AGL: variants seen among roughly 807,000 people sequenced by gnomAD.
AGL encodes the protein glycogen debranching enzyme.
A neutral mutation model predicts 199.3 loss-of-function variants in AGL; 128 were observed. That is an observed-to-expected ratio of 0.64 (90% CI 0.56 to 0.74). AGL has a LOEUF of 0.74. Among genes scored for constraint, AGL ranks in the 30% least tolerant of loss-of-function variants. The probability of loss-of-function intolerance (pLI) is 0.00; values close to 1 mark genes in which losing one functional copy is unlikely to be tolerated. For missense variants in AGL, 1,809 were observed against 1,820.8 expected (o/e 0.99, Z 0.12); for synonymous variants, 584 against 594.7 (o/e 0.98, Z 0.26).
In AGL at chr1:99,875,371, T is replaced by C. The variant is rs1275707003; in HGVS notation, c.1199T>C (p.Leu400Pro). Reference protein sequence around the residue: ...NYHQEQAVNCLLGNVFYERLA... With the variant: ...NYHQEQAVNCPLGNVFYERLA... ...AATGTTTTTCAGGCAGTTAATTGCC[T>C]TTTGGGAAATGTGTTTTATGAACGA... is the stretch of plus-strand genomic sequence containing the variant. Residue 400 changes from leucine (L) to proline (P), a missense_variant, in exon 10 of 34, where the codon CTT becomes CCT. By Grantham distance (98) the Leu-to-Pro change is moderately conservative (BLOSUM62 -3). Coordinates refer to ENST00000361915, the MANE Select transcript of AGL (RefSeq NM_000642.3). The C allele has an allele frequency of 6.8e-6, 11 of 1,614,026 alleles. No homozygotes were observed. The highest frequency in any genetic ancestry group is 2.7e-5 in the African/African-American group (2 of 74,924).
At chr1:99,902,379 C>T (rs1239562309) in intron 26 of AGL, among the ~76,000 whole-genome samples, 1 of 152,084 alleles carries the variant, frequency 6.6e-6, no homozygotes, top group Non-Finnish European at 1.5e-5. Context: ...AAGCTAGGTT[C>T]GTTTATTAGC....
At chr1:99,919,845 C>G (rs919577823) in intron 33 of AGL, among the ~76,000 whole-genome samples, 3 of 152,194 alleles carry the variant, frequency 2.0e-5, no homozygotes, top group Admixed American at 2.0e-4. Flanking sequence ...CTCCTGGCAC[C>G]ACTTGGATTC....
At chr1:99,882,028 A>C (rs1239152507) in intron 17 of AGL, among the ~76,000 whole-genome samples, 1 of 151,256 alleles carries the variant, frequency 6.6e-6, no homozygotes, top group African/African-American at 2.4e-5. Context: ...AGTCTTGGCT[A>C]CTCCTGAAGC....
chr1:99,853,063 T>C (rs1649113945), intron 2 of AGL, among the ~76,000 whole-genome samples: 1 of 152,218 alleles, frequency 6.6e-6, no homozygotes, highest in Non-Finnish European at 1.5e-5. Context: ...AGTCTCTTTT[T>C]AAGCTTGCAG....
chr1:99,857,349 C>G (rs1571218733), intron 2 of AGL, among the ~76,000 whole-genome samples: 1 of 151,908 alleles, frequency 6.6e-6, no homozygotes, highest in Non-Finnish European at 1.5e-5. Context: ...GGCAGAGGGG[C>G]TCCTCACATC....
At chr1:99,882,679 T>C (rs1398766799) in intron 17 of AGL, among the ~76,000 whole-genome samples, 1 of 152,170 alleles carries the variant, frequency 6.6e-6, no homozygotes, top group African/African-American at 2.4e-5. Context: ...GTCCTTAATA[T>C]TACTTGATTT....
chr1:99,859,301 A>C (rs1257364816), intron 2 of AGL, among the ~76,000 whole-genome samples: 1 of 151,746 alleles, frequency 6.6e-6, no homozygotes, highest in Middle Eastern at 3.4e-3. Flanking sequence ...TAATTTTAAA[A>C]TGTTTTCCCT....
intron 11 of AGL, 68 bp from the exon 12 acceptor site, chr1:99,877,573 T>C (rs536479960): frequency 1.4e-6 from 2 of 1,420,688 alleles, no homozygotes; most frequent in Non-Finnish European, 2.0e-6. Flanking sequence ...TAAAAACCAG[T>C]GTTTCCTTGA....
chr1:99,852,085 G>A (rs1195382749), intron 2 of AGL, among the ~76,000 whole-genome samples: 1 of 151,736 alleles, frequency 6.6e-6, no homozygotes, highest in South Asian at 2.1e-4. Flanking sequence ...CTCTTACTAG[G>A]CTCTCTTCCT....
chr1:99,866,048 A>C (rs1439658631), intron 5 of AGL, among the ~76,000 whole-genome samples: 2 of 152,284 alleles, frequency 1.3e-5, no homozygotes, highest in Middle Eastern at 3.4e-3. Flanking sequence ...TGGGAGGATG[A>C]CTTGAGGCCA....
intron 30 of AGL, 66 bp from the exon 31 acceptor site, chr1:99,915,323 C>A: frequency 2.3e-6 from 3 of 1,313,372 alleles, no homozygotes; most frequent in Non-Finnish European, 3.3e-6. Flanking sequence ...TGAATAGTTT[C>A]TGTGGGTAGG....
In AGL at chr1:99,922,008, T is replaced by C. The variant is rs1486156797; in HGVS notation, c.*357T>C. ...GAAATGAAAAGATAGCTTTTAATTG[T>C]GGTATATATAATCTTCAGTAACAAT... On this transcript the variant is annotated 3_prime_UTR_variant, in exon 34 of 34. Transcript: ENST00000361915. The C allele has an allele frequency of 5.4e-6, 1 of 186,338 alleles. No homozygotes were observed. The highest frequency in any genetic ancestry group is 2.4e-5 in the African/African-American group (1 of 41,900). 11.5% of individuals were successfully genotyped at this position (186,338 alleles called of 1,614,324 possible).
rs1057521645 is a variant in AGL at position 99,921,516 on chromosome 1, G to A, written c.4482-18G>A. ...GAATTAAATTATGTCTTTGTAAAATGTCTTTTCTTTCATTCAGATCCCCTT... is the reference window on the plus strand; with the variant it reads ...GAATTAAATTATGTCTTTGTAAAATATCTTTTCTTTCATTCAGATCCCCTT... On this transcript the variant is annotated intron_variant, in intron 33 of 33. Coordinates refer to ENST00000361915, the MANE Select transcript of AGL (RefSeq NM_000642.3). 22 of 1,536,034 alleles carry A rather than the reference G, an allele frequency of 1.4e-5. No homozygotes were observed. Among genetic ancestry groups the A allele is most frequent in the Non-Finnish European group, 1.9e-5 (21 of 1,109,718 alleles).
chr1:99,904,777 T>C (rs1415948968), intron 27 of AGL, among the ~76,000 whole-genome samples: 1 of 152,222 alleles, frequency 6.6e-6, no homozygotes, highest in Non-Finnish European at 1.5e-5. Flanking sequence ...ATCCAAGTTG[T>C]TGCATTTATC....
intron 2 of AGL, chr1:99,852,654 G>A: frequency 1.3e-6 from 1 of 769,744 alleles, no homozygotes; most frequent in Non-Finnish European, 2.4e-6. Context: ...GGGATTACAA[G>A]CATAAGCCAC....
Position 99,881,524 on chromosome 1 carries a change from T to G in AGL, c.2158-17T>G. ...TCCAGTTTGAGAGCTAATCTAGTTG[T>G]TCTTTCTGCTTCTCAGGTGTATGTG... On this transcript the variant is annotated splice_polypyrimidine_tract_variant and intron_variant, in intron 16 of 33. Coordinates refer to ENST00000361915, the MANE Select transcript of AGL (RefSeq NM_000642.3). 4.3e-6 allele frequency: 7 copies of G among 1,613,998 alleles called. No homozygotes were observed. The highest frequency in any genetic ancestry group is 5.9e-6 in the Non-Finnish European group (7 of 1,179,942).
At chr1:99,857,828 CGTGGGG>C (rs1649668452) in intron 2 of AGL, among the ~76,000 whole-genome samples, 1 of 13,012 alleles carries the variant, frequency 7.7e-5, no homozygotes, top group Non-Finnish European at 1.5e-4. Context: ...AGAGGGAGAC[CGTGGGG>C]AGGGGGAGGG....
intron 31 of AGL, among the ~76,000 whole-genome samples, chr1:99,916,114 T>C (rs1328684420): frequency 6.6e-6 from 1 of 152,152 alleles, no homozygotes; most frequent in African/African-American, 2.4e-5. Context: ...AATAGTTGAC[T>C]TTAAACCAAG....
Position 99,896,257 on chromosome 1 carries a change from A to G in AGL, c.3260-29A>G, listed in dbSNP as rs1395709116. ...GTTTGTGTGTATTATTATGATTAAC[A>G]TATTACTTTGTTGTGTTTTTTTTGT... On this transcript the variant is annotated intron_variant, in intron 24 of 33. Coordinates refer to ENST00000361915, the MANE Select transcript of AGL (RefSeq NM_000642.3). 4 of 1,528,542 alleles carry G rather than the reference A, an allele frequency of 2.6e-6. 1 individual carries two copies. Among genetic ancestry groups the G allele is most frequent in the African/African-American group, 1.4e-5 (1 of 73,020 alleles). The allele number at this position is 1,528,542 out of a possible 1,614,324, so 94.7% of individuals were successfully genotyped here. A position where few individuals can be genotyped will look rare whatever the true frequency, so the allele number is the denominator to read the frequency against.
Sources: gnomAD v4.1 joint callset for allele counts (sites outside exome capture counted in the v4.1 genomes callset) on GRCh38, gnomAD v4.1.1 for gene constraint, MANE v1.5 for transcripts, NCBI Gene and HGNC (gene_info 2026-07-23, HGNC 2026-07-21) for gene names.